Variants in GPR21 observed in about 807,000 individuals in gnomAD.
GPR21 encodes the protein G protein-coupled receptor 21, also known as probable G protein-coupled receptor 21.
Under a neutral mutation model 21.5 loss-of-function variants are expected in GPR21, and 9 were observed. The observed-to-expected ratio is 0.42, with a 90% CI of 0.25 to 0.73. The LOEUF (loss-of-function observed/expected upper bound fraction) is 0.73, where lower values mean the gene tolerates loss of function less well. Among genes scored for constraint, GPR21 ranks in the 30% least tolerant of loss-of-function variants. The pLI is 0.27. For missense variants in GPR21, 416 were observed against 428.9 expected, an observed-to-expected ratio of 0.97 and a Z score of 0.27; for synonymous variants, 169 against 159.3, an observed-to-expected ratio of 1.06 and a Z score of -0.46.
In GPR21 at chr9:123,035,582, G is replaced by A. The variant is rs765006047; in HGVS notation, c.1016G>A (p.Arg339Lys). The A allele has an allele frequency of 6.2e-7, 1 of 1,603,724 alleles. No homozygotes were observed. The highest frequency in any genetic ancestry group is 8.5e-7 in the Non-Finnish European group (1 of 1,176,978). The change falls in exon 2 of 2, where the codon AGA becomes AAA. Residue 339 changes from arginine to lysine, a missense_variant. By Grantham distance (26) the Arg-to-Lys change is conservative. Transcript: ENST00000616002. ...QTTANDPYTV[R>K]SKGPLNGCHI ...ACAGCCAACGACCCTTACACAGTTA[G>A]AAGCAAAGGCCCTCTTAATGGATGT... is the stretch of plus-strand genomic sequence containing the variant.
At chr9:123,045,573 T>G in the GPR21 span, among the ~76,000 whole-genome samples, 1 of 152,282 alleles carries the variant, frequency 6.6e-6, no homozygotes, top group Non-Finnish European at 1.5e-5. Flanking sequence ...TTCTGGCAGT[T>G]AATTAGGTAA....
the GPR21 span, among the ~76,000 whole-genome samples, chr9:123,040,702 G>A: frequency 7.2e-5 from 11 of 151,942 alleles, no homozygotes; most frequent in African/African-American, 2.2e-4. Flanking sequence ...TGTTTTTTAC[G>A]TTAGTTTGAG....
the GPR21 span, among the ~76,000 whole-genome samples, chr9:123,045,536 AAAGTT>A: frequency 2.6e-5 from 4 of 152,328 alleles, no homozygotes; most frequent in East Asian, 7.7e-4. Flanking sequence ...CACTGGAAAT[AAAGTT>A]AAAACAAAAT....
At chr9:123,046,110 T>G in the GPR21 span, among the ~76,000 whole-genome samples, 2 of 152,212 alleles carry the variant, frequency 1.3e-5, 1 homozygote, top group South Asian at 4.1e-4. Context: ...CTTCAACTGA[T>G]GTTTTATGTA....
At chr9:123,042,542 T>C in the GPR21 span, among the ~76,000 whole-genome samples, 1 of 152,122 alleles carries the variant, frequency 6.6e-6, no homozygotes. Context: ...TAAAAATGAA[T>C]AGGAAGAGAA....
At chr9:123,048,365 C>T in the GPR21 span, among the ~76,000 whole-genome samples, 2 of 152,238 alleles carry the variant, frequency 1.3e-5, no homozygotes, top group Non-Finnish European at 1.5e-5. Flanking sequence ...CATTTATAAG[C>T]ATTTTCTTGG....
At chr9:123,042,004 A>C in the GPR21 span, among the ~76,000 whole-genome samples, 1 of 152,184 alleles carries the variant, frequency 6.6e-6, no homozygotes, top group African/African-American at 2.4e-5. Context: ...ATTGCAGCAG[A>C]AGGTGGGAGA....
Position 123,035,527 on chromosome 9 carries a change from G to A in GPR21, c.961G>A (p.Ala321Thr). 6.2e-7 allele frequency: 1 copy of A among 1,613,954 alleles called. No homozygotes were observed. Among genetic ancestry groups the A allele is most frequent in the Non-Finnish European group, 8.5e-7 (1 of 1,179,890 alleles). ...AAGAGGACTAAAGCGCCTCTCAGGG[G>A]CTATGTGTACTTCTTGTGCAAGTCA... ...FQRGLKRLSG[A>T]MCTSCASQTT... is the part of the protein sequence containing the mutation. The change falls in exon 2 of 2, where the codon GCT becomes ACT. Residue 321 changes from alanine (A) to threonine (T), a missense_variant. Ala to Thr is a moderately conservative substitution (Grantham distance 58). Coordinates refer to ENST00000616002, the MANE Select transcript of GPR21 (RefSeq NM_005294.3).
downstream of GPR21, among the ~76,000 whole-genome samples, chr9:123,039,425 A>G (rs1423251522): frequency 6.6e-6 from 1 of 152,178 alleles, no homozygotes; most frequent in African/African-American, 2.4e-5. Flanking sequence ...GTTTTATAGA[A>G]TGAATAAATG....
downstream of GPR21, among the ~76,000 whole-genome samples, chr9:123,037,241 GTTC>G (rs1257654306): frequency 6.6e-6 from 1 of 152,174 alleles, no homozygotes; most frequent in Non-Finnish European, 1.5e-5. Flanking sequence ...TGATGCCAGT[GTTC>G]TTATGATTTT....
chr9:123,034,324 T>G lies in GPR21; in HGVS notation c.-243T>G, dbSNP rs1287793397. On this transcript the variant is annotated 5_prime_UTR_variant, in exon 2 of 2. Transcript: ENST00000616002. ...GCTATGTGTATGGTGAACCTGGCAC[T>G]ATGGCCGCGTCTGGGACTGGCCAGA... is the stretch of plus-strand genomic sequence containing the variant. 3 of 542,400 alleles carry G rather than the reference T, an allele frequency of 5.5e-6. No homozygotes were observed. The highest frequency in any genetic ancestry group is 1.9e-5 in the African/African-American group (1 of 52,570). The allele number at this position is 542,400 out of a possible 1,614,324, so 33.6% of individuals were successfully genotyped here. A position where few individuals can be genotyped will look rare whatever the true frequency, so the allele number is the denominator to read the frequency against.
At chr9:123,047,952 T>A in the GPR21 span, among the ~76,000 whole-genome samples, 1 of 112,796 alleles carries the variant, frequency 8.9e-6, no homozygotes, top group Non-Finnish European at 1.6e-5. Context: ...TTTTTTTTTT[T>A]TTTGAGACGG....
chr9:123,042,989 C>T, the GPR21 span, among the ~76,000 whole-genome samples: 1 of 151,988 alleles, frequency 6.6e-6, no homozygotes, highest in African/African-American at 2.4e-5. Flanking sequence ...GACTTTTTGC[C>T]ACAATAAAGC....
chr9:123,036,715 T>A (rs955954822), downstream of GPR21, among the ~76,000 whole-genome samples: 2 of 152,128 alleles, frequency 1.3e-5, no homozygotes, highest in African/African-American at 4.8e-5. Flanking sequence ...CAGTTAGTGC[T>A]AAGGAATCCA....
the GPR21 span, among the ~76,000 whole-genome samples, chr9:123,041,685 AC>A: frequency 1.3e-5 from 2 of 152,224 alleles, no homozygotes; most frequent in Non-Finnish European, 2.9e-5. Flanking sequence ...AATTCAGTGG[AC>A]GAGTAGTAAC....
downstream of GPR21, among the ~76,000 whole-genome samples, chr9:123,036,068 T>C (rs988462723): frequency 2.0e-5 from 3 of 152,178 alleles, no homozygotes; most frequent in African/African-American, 4.8e-5. Flanking sequence ...AATAGTAAAA[T>C]ATAAATGAAA....
chr9:123,043,905 T>TC, the GPR21 span, among the ~76,000 whole-genome samples: 4 of 148,780 alleles, frequency 2.7e-5, no homozygotes, highest in Non-Finnish European at 3.0e-5. Flanking sequence ...ATTTTCTTTT[T>TC]TTTTTTTTTT....
At chr9:123,048,989 A>G in the GPR21 span, among the ~76,000 whole-genome samples, 2 of 152,256 alleles carry the variant, frequency 1.3e-5, no homozygotes, top group Non-Finnish European at 2.9e-5. Context: ...AAGGCTGCAT[A>G]TCACATGGGA....
downstream of GPR21, among the ~76,000 whole-genome samples, chr9:123,040,264 CAT>C (rs1389988220): frequency 3.3e-5 from 5 of 152,166 alleles, no homozygotes; most frequent in African/African-American, 1.2e-4. Flanking sequence ...GGGGTACAAT[CAT>C]ATGATGCTGG....
Sources: allele counts gnomAD v4.1 joint callset (sites outside exome capture counted in the v4.1 genomes callset), GRCh38; gene constraint gnomAD v4.1.1; transcripts MANE v1.5; gene names NCBI Gene and HGNC (gene_info 2026-07-23, HGNC 2026-07-21).